Variants in AP3S2 observed in about 807,000 individuals in gnomAD.
AP3S2 encodes AP-3 complex subunit sigma-2.
Under a neutral mutation model 23.4 loss-of-function variants are expected in AP3S2, and 22 were observed. The observed-to-expected ratio is 0.94, with a 90% CI of 0.67 to 1.34. The LOEUF (loss-of-function observed/expected upper bound fraction) is 1.34. Among genes scored for constraint, AP3S2 ranks in the 40% most tolerant of loss-of-function variants. The pLI is 0.00. For synonymous variants in AP3S2, 86 were observed against 87.1 expected (o/e 0.99, Z 0.07); for missense variants, 241 against 236.9 (o/e 1.02, Z -0.11).
In AP3S2 at chr15:89,875,706, C is replaced by T. The variant is rs537772120; in HGVS notation, c.274-4160G>A. On this transcript the variant is annotated intron_variant, in intron 3 of 5. Coordinates refer to ENST00000336418, the MANE Select transcript of AP3S2 (RefSeq NM_005829.5). ...ACTCACGTCTGTAGTCTCAGTACTT[C>T]GGAAGGCCAAGGTGGGCAAATTGCT... 1.3e-3 allele frequency among the ~76,000 whole-genome samples: 197 copies of T among 152,290 alleles called. 1 individual carries two copies. The highest frequency in any genetic ancestry group is 4.4e-3 in the African/African-American group (184 of 41,564).
intron 4 of AP3S2, among the ~76,000 whole-genome samples, chr15:89,857,946 A>G (rs1450716837): frequency 1.3e-5 from 2 of 152,296 alleles, no homozygotes; most frequent in Non-Finnish European, 1.5e-5. Context: ...AGGTAGAAGC[A>G]TATGTTGAGG....
chr15:89,835,281 G>T lies in AP3S2; in HGVS notation c.*234C>A. ...AGGCAGGGCCCCTCACATCTGCAGT[G>T]GCCGTATGCATCAGAGAACGGCATG... is the stretch of plus-strand genomic sequence containing the variant. On this transcript the variant is annotated 3_prime_UTR_variant, in exon 6 of 6. Transcript: ENST00000336418. 1 of 627,908 alleles carries T rather than the reference G, an allele frequency of 1.6e-6. No homozygotes were observed. Among genetic ancestry groups the T allele is most frequent in the Non-Finnish European group, 2.6e-6 (1 of 383,114 alleles). 38.9% of individuals were successfully genotyped at this position (627,908 alleles called of 1,614,324 possible). A position where few individuals can be genotyped will look rare whatever the true frequency, so the allele number is the denominator to read the frequency against.
chr15:89,862,136 A>G (rs1233617414), intron 4 of AP3S2, among the ~76,000 whole-genome samples: 2 of 152,178 alleles, frequency 1.3e-5, no homozygotes, highest in African/African-American at 4.8e-5. Context: ...AGAAAAACTA[A>G]TTTCAGTATG....
At chr15:89,868,101 T>C (rs1447742849) in intron 4 of AP3S2, among the ~76,000 whole-genome samples, 2 of 109,212 alleles carry the variant, frequency 1.8e-5, no homozygotes, top group African/African-American at 6.9e-5. Flanking sequence ...AGCCACCCCG[T>C]CCGGGAGGGA....
rs1204876285 is a variant in AP3S2, at chr15:89,885,758, A to G, written c.273+2763T>C. Among the ~76,000 whole-genome samples, 3 of 151,766 alleles carry G rather than the reference A, an allele frequency of 2.0e-5. No individual in the cohort carries two copies. The East Asian group carries it at 5.9e-4, about 30-fold the overall frequency. The stretch of plus-strand genomic sequence containing the variant: ...GATGTTCGAGACCAGCCTGGACAAC[A>G]TGGTGAGACTTCATCTCTAAAAAAT... On this transcript the variant is annotated intron_variant, in intron 3 of 5. Transcript: ENST00000336418.
chr15:89,850,062 A>T (rs1895607997), intron 4 of AP3S2, among the ~76,000 whole-genome samples: 1 of 152,188 alleles, frequency 6.6e-6, no homozygotes, highest in Non-Finnish European at 1.5e-5. Context: ...TTTAATGCTA[A>T]GATTCCTTCA....
At chr15:89,842,564 A>C (rs1895354891) in intron 4 of AP3S2, among the ~76,000 whole-genome samples, 2 of 152,250 alleles carry the variant, frequency 1.3e-5, no homozygotes, top group South Asian at 2.1e-4. Context: ...AAATGGAACA[A>C]CACCTACAAA....
At chr15:89,855,280 AT>A (rs2141857775) in intron 4 of AP3S2, among the ~76,000 whole-genome samples, 1 of 104,808 alleles carries the variant, frequency 9.5e-6, no homozygotes, top group East Asian at 3.1e-4. Flanking sequence ...GGTTAAATGG[AT>A]TAAGGGCGGT....
At chr15:89,848,881 A>G (rs927149721) in intron 4 of AP3S2, 4 of 152,200 alleles carry the variant, frequency 2.6e-5, no homozygotes, top group African/African-American at 9.7e-5. Flanking sequence ...TATACATTTT[A>G]GAAAGAAATG....
chr15:89,893,819 A>G, intron 1 of AP3S2, 62 bp downstream of exon 1: 1 of 1,531,428 alleles, frequency 6.5e-7, no homozygotes, highest in Admixed American at 2.0e-5. Flanking sequence ...CCGAGAGGCC[A>G]AAGAGGAGGG....
At chr15:89,862,060 G>A (rs1345139437) in intron 4 of AP3S2, among the ~76,000 whole-genome samples, 1 of 152,192 alleles carries the variant, frequency 6.6e-6, no homozygotes, top group Non-Finnish European at 1.5e-5. Flanking sequence ...GATAGGATGG[G>A]CACAAATTGT....
At chr15:89,839,879 TG>T (rs1895286781) in intron 4 of AP3S2, among the ~76,000 whole-genome samples, 1 of 151,568 alleles carries the variant, frequency 6.6e-6, no homozygotes, top group South Asian at 2.1e-4. Flanking sequence ...ATTGAGATGC[TG>T]TAAAAGGGAA....
chr15:89,877,367 C>T (rs1896467125), intron 3 of AP3S2: 1 of 1,294,584 alleles, frequency 7.7e-7, no homozygotes, highest in Non-Finnish European at 1.0e-6. Context: ...TCCCAAAGAG[C>T]TAGTGTTCCA....
intron 4 of AP3S2, among the ~76,000 whole-genome samples, chr15:89,868,219 G>C (rs1245670683): frequency 1.8e-5 from 1 of 55,390 alleles, no homozygotes; most frequent in South Asian, 6.7e-4. Flanking sequence ...GAGGTGGGGG[G>C]GTCAGCCCTC....
At chr15:89,858,629 C>T (rs919216051) in intron 4 of AP3S2, among the ~76,000 whole-genome samples, 1 of 151,906 alleles carries the variant, frequency 6.6e-6, no homozygotes, top group Non-Finnish European at 1.5e-5. Context: ...ATAGCAAGAA[C>T]AATAAAATTG....
intron 4 of AP3S2, among the ~76,000 whole-genome samples, chr15:89,840,140 C>T (rs1461001145): frequency 6.6e-6 from 1 of 151,932 alleles, no homozygotes; most frequent in African/African-American, 2.4e-5. Context: ...ATGGTGGTGG[C>T]GACTGCACAA....
intron 5 of AP3S2, among the ~76,000 whole-genome samples, chr15:89,835,954 G>C (rs896250272): frequency 6.6e-6 from 1 of 152,176 alleles, no homozygotes; most frequent in Non-Finnish European, 1.5e-5. Context: ...CTTGAACTCA[G>C]AAGGCGGAGG....
intron 1 of AP3S2, 29 bp downstream of exon 1, chr15:89,893,852 G>A: frequency 6.4e-7 from 1 of 1,551,200 alleles, no homozygotes; most frequent in Non-Finnish European, 8.7e-7. Context: ...GCGCCCTGAA[G>A]GGGCGTGGTG....
intron 2 of AP3S2, 89 bp from the exon 3 acceptor site, chr15:89,888,721 C>A: frequency 7.2e-7 from 1 of 1,383,252 alleles, no homozygotes; most frequent in Admixed American, 2.2e-5. Context: ...AAAGGACCCA[C>A]TGGAAAGGAG....
Sources: allele counts gnomAD v4.1 joint callset (sites outside exome capture counted in the v4.1 genomes callset), GRCh38; gene constraint gnomAD v4.1.1; transcripts MANE v1.5; gene names NCBI Gene and HGNC (gene_info 2026-07-23, HGNC 2026-07-21).